Variants in TRIO observed in about 807,000 individuals in gnomAD.
TRIO encodes the protein triple functional domain protein.
A neutral mutation model predicts 351.9 loss-of-function variants in TRIO; 58 were observed. The ratio of observed to expected loss-of-function variants is 0.16; its 90% CI spans 0.13 to 0.21. The LOEUF (loss-of-function observed/expected upper bound fraction) is 0.21, where lower values mean the gene tolerates loss of function less well. Ranked by LOEUF, TRIO falls within the 10% of genes least tolerant of loss-of-function variation. TRIO has a pLI of 1.00. For missense variants in TRIO, 3,201 were observed against 4,027.8 expected (o/e 0.79, Z 5.56); for synonymous variants, 1,758 against 1,595.7 (o/e 1.10, Z -2.42).
chr5:14,293,146 G>GTATGGTAA lies in TRIO; in HGVS notation c.1176+12_1176+13insTATGGTAA. 1 of 1,613,924 alleles carries GTATGGTAA rather than the reference G, an allele frequency of 6.2e-7. No homozygotes were observed. Among genetic ancestry groups the GTATGGTAA allele is most frequent in the Non-Finnish European group, 8.5e-7 (1 of 1,179,900 alleles). On this transcript the variant is annotated intron_variant, in intron 6 of 56. Coordinates refer to ENST00000344204, the MANE Select transcript of TRIO (RefSeq NM_007118.4). ...CCATGAACTGTATGGTAAGACACTC[G>GTATGGTAA]GAACAGCTGGACCCTGGCATGTGAC... is the stretch of plus-strand genomic sequence containing the variant.
intron 27 of TRIO, among the ~76,000 whole-genome samples, chr5:14,393,242 G>A (rs558954193): frequency 5.8e-4 from 88 of 151,918 alleles, no homozygotes; most frequent in African/African-American, 1.4e-3. Flanking sequence ...GGGGCCTGTC[G>A]GGGGGTGGGG....
In TRIO at chr5:14,387,646, T is replaced by G; in HGVS notation, c.3765+14T>G. 6.2e-7 allele frequency: 1 copy of G among 1,609,226 alleles called. No individual in the cohort carries two copies. The highest frequency in any genetic ancestry group is 1.3e-5 in the African/African-American group (1 of 74,842). On this transcript the variant is annotated intron_variant, in intron 22 of 56. Transcript: ENST00000344204. ...TCCAACAAATCGGTAAATGGCCTTG[T>G]GCAAACTGAATAAATTATGGTCTTC...
chr5:14,429,764 A>T (rs1017378057), intron 34 of TRIO, among the ~76,000 whole-genome samples: 1 of 152,250 alleles, frequency 6.6e-6, no homozygotes, highest in Admixed American at 6.5e-5. Flanking sequence ...CCAGGTACAC[A>T]TAACCATTTT....
intron 38 of TRIO, among the ~76,000 whole-genome samples, chr5:14,471,809 G>C (rs1754710023): frequency 6.6e-6 from 1 of 152,002 alleles, no homozygotes; most frequent in African/African-American, 2.4e-5. Flanking sequence ...CCCAAAACTT[G>C]AATATTCTTT....
intron 1 of TRIO, among the ~76,000 whole-genome samples, chr5:14,251,931 C>T (rs1020579374): frequency 1.0e-4 from 15 of 146,300 alleles, no homozygotes; most frequent in Admixed American, 2.1e-4. Flanking sequence ...TTTGAAATGA[C>T]AGCAGAGCCT....
At chr5:14,313,774 A>AAGG (rs1581596732) in intron 8 of TRIO, among the ~76,000 whole-genome samples, 1 of 152,206 alleles carries the variant, frequency 6.6e-6, no homozygotes, top group African/African-American at 2.4e-5. Context: ...TCTTGGCGGC[A>AAGG]AGGAGGAGGA....
intron 1 of TRIO, among the ~76,000 whole-genome samples, chr5:14,207,335 CACACACACACACACACACACACACACAG>C (rs1561202087): frequency 1.7e-4 from 12 of 69,440 alleles, no homozygotes; most frequent in Admixed American, 4.7e-4. Flanking sequence ...CACACACACA[CACACACACACACACACACACACACACAG>C]AGCCAGGTAG....
chr5:14,367,758 T>C (rs577575090), intron 16 of TRIO, among the ~76,000 whole-genome samples: 2 of 152,312 alleles, frequency 1.3e-5, no homozygotes, highest in African/African-American at 4.8e-5. Flanking sequence ...GCTACAGAAG[T>C]TGCCACTAAT....
chr5:14,185,016 A>G (rs1790019902), intron 1 of TRIO, among the ~76,000 whole-genome samples: 2 of 152,158 alleles, frequency 1.3e-5, no homozygotes, highest in South Asian at 4.1e-4. Flanking sequence ...TCAGTCGTCC[A>G]TGACTCATGG....
intron 27 of TRIO, among the ~76,000 whole-genome samples, chr5:14,391,983 T>C (rs1747122778): frequency 6.6e-6 from 1 of 152,256 alleles, no homozygotes; most frequent in East Asian, 1.9e-4. Context: ...TCTAGGTCTT[T>C]GCCATCAGAC....
intron 48 of TRIO, 102 bp downstream of exon 48, chr5:14,488,362 T>TCTCCGCCGCCCGTTGCGGCCTC: frequency 6.9e-7 from 1 of 1,457,222 alleles, no homozygotes; most frequent in South Asian, 1.4e-5. Flanking sequence ...TGCCCAGCGC[T>TCTCCGCCGCCCGTTGCGGCCTC]CTCCGCCGCC....
chr5:14,455,357 T>C (rs1373891040), intron 34 of TRIO, among the ~76,000 whole-genome samples: 1 of 152,132 alleles, frequency 6.6e-6, no homozygotes, highest in East Asian at 1.9e-4. Flanking sequence ...AGAGTGCTGA[T>C]TGGTGTATTT....
Position 14,504,555 on chromosome 5 carries a change from C to A in TRIO, c.8574C>A (p.Thr2858=), listed in dbSNP as rs1207364446. 6.2e-7 allele frequency: 1 copy of A among 1,614,026 alleles called. No homozygotes were observed. The highest frequency in any genetic ancestry group is 2.2e-5 in the East Asian group (1 of 44,886). ...CCCTGCTTGTCGGCCTCCTCGACAC[C>A]TTTGAGACCCCCACCAGCTACATCC... ...QHPLLVGLLD[T]FETPTSYILV... is the part of the protein sequence containing the mutation. Residue 2858 remains threonine (T), a synonymous_variant, in exon 55 of 57, where the codon ACC becomes ACA. Coordinates refer to ENST00000344204, the MANE Select transcript of TRIO (RefSeq NM_007118.4).
intron 1 of TRIO, among the ~76,000 whole-genome samples, chr5:14,261,528 G>A (rs1006288462): frequency 6.6e-6 from 1 of 152,186 alleles, no homozygotes; most frequent in Non-Finnish European, 1.5e-5. Flanking sequence ...GAGTTGACTT[G>A]GCTTGCTGCT....
chr5:14,301,672 A>G (rs1737896805), intron 7 of TRIO, among the ~76,000 whole-genome samples: 1 of 152,182 alleles, frequency 6.6e-6, no homozygotes, highest in South Asian at 2.1e-4. Context: ...AGGTTCTGTT[A>G]TGAAGGTACC....
At chr5:14,333,162 C>T (rs1275243962) in intron 10 of TRIO, among the ~76,000 whole-genome samples, 4 of 152,292 alleles carry the variant, frequency 2.6e-5, no homozygotes, top group Admixed American at 6.5e-5. Flanking sequence ...CACTTCACCT[C>T]GCTAAAACCC....
At chr5:14,397,006 G>A (rs1333995710) in intron 28 of TRIO, 37 bp from the exon 29 acceptor site, 7 of 1,548,262 alleles carry the variant, frequency 4.5e-6, no homozygotes, top group Non-Finnish European at 6.2e-6. Flanking sequence ...AGAGCATTCT[G>A]CAGTCTTTAC....
chr5:14,212,940 G>A (rs1462886247), intron 1 of TRIO, among the ~76,000 whole-genome samples: 1 of 152,188 alleles, frequency 6.6e-6, no homozygotes, highest in Non-Finnish European at 1.5e-5. Flanking sequence ...TGAAAACACT[G>A]TACGGTTAGT....
In TRIO at chr5:14,474,187, T is replaced by C. The variant is rs1382188175; in HGVS notation, c.6083+90T>C. 2.4e-6 allele frequency: 3 copies of C among 1,269,806 alleles called. No individual in the cohort carries two copies. In the East Asian group the frequency reaches 7.1e-5, roughly 30 times the overall value. 78.7% of individuals were successfully genotyped at this position (1,269,806 alleles called of 1,614,324 possible). ...CCAGGCCAAAGGGAATTTATTCTGT[T>C]CATCGTATTACCTGTGTAGCCTCCT... is the stretch of plus-strand genomic sequence containing the variant. On this transcript the variant is annotated intron_variant, in intron 40 of 56. Transcript: ENST00000344204.
Sources: allele counts gnomAD v4.1 joint callset (sites outside exome capture counted in the v4.1 genomes callset), GRCh38; gene constraint gnomAD v4.1.1; transcripts MANE v1.5; gene names NCBI Gene and HGNC (gene_info 2026-07-23, HGNC 2026-07-21).